The following FRMD5 variants were observed in gnomAD, a reference collection of about 807,000 sequenced individuals.
FRMD5 encodes the protein FERM domain containing 5, also known as FERM domain-containing protein 5.
Under a neutral mutation model 69.0 loss-of-function variants are expected in FRMD5, and 20 were observed. The ratio of observed to expected loss-of-function variants is 0.29; its 90% CI spans 0.20 to 0.42. The LOEUF is 0.42. FRMD5 is among the 10% of genes least tolerant of loss of function. The probability of loss-of-function intolerance (pLI) is 1.00; values close to 1 mark genes in which losing one functional copy is unlikely to be tolerated. For missense variants in FRMD5, 595 were observed against 708.6 expected (o/e 0.84, Z 1.82); for synonymous variants, 271 against 260.1 (o/e 1.04, Z -0.40).
intron 1 of FRMD5, among the ~76,000 whole-genome samples, chr15:43,946,081 C>G (rs2089942641): frequency 6.6e-6 from 1 of 151,956 alleles, no homozygotes; most frequent in Admixed American, 6.6e-5. Context: ...TCCCCAAAGT[C>G]TCACTTCCTC....
chr15:44,039,461 G>C (rs1892088575), intron 1 of FRMD5, among the ~76,000 whole-genome samples: 1 of 152,192 alleles, frequency 6.6e-6, no homozygotes, highest in East Asian at 1.9e-4. Flanking sequence ...CTGGGACAAA[G>C]CTTCCAGAGG....
chr15:43,975,282 G>A (rs1284254041), intron 1 of FRMD5, among the ~76,000 whole-genome samples: 1 of 152,118 alleles, frequency 6.6e-6, no homozygotes, highest in Non-Finnish European at 1.5e-5. Flanking sequence ...ATGTAAAGAG[G>A]TATTTGCCTC....
At chr15:43,896,263 G>C (rs1453330678) in intron 7 of FRMD5, among the ~76,000 whole-genome samples, 1 of 152,212 alleles carries the variant, frequency 6.6e-6, no homozygotes, top group African/African-American at 2.4e-5. Flanking sequence ...CTTGTGAAAA[G>C]AGCTTCTGTC....
intron 1 of FRMD5, among the ~76,000 whole-genome samples, chr15:43,999,968 A>C (rs1566889857): frequency 6.3e-4 from 8 of 12,682 alleles, no homozygotes; most frequent in Admixed American, 5.5e-3. Context: ...ATATATATAT[A>C]TATATATATA....
upstream of FRMD5, among the ~76,000 whole-genome samples, chr15:44,196,434 C>A (rs375947510): frequency 4.6e-5 from 7 of 151,632 alleles, no homozygotes; most frequent in African/African-American, 1.5e-4. Flanking sequence ...CATTGCACTC[C>A]AGCCTGGGGG....
intron 7 of FRMD5, among the ~76,000 whole-genome samples, chr15:43,898,039 T>A (rs1235827637): frequency 6.6e-6 from 1 of 152,244 alleles, no homozygotes; most frequent in Non-Finnish European, 1.5e-5. Flanking sequence ...CTTTTCTTTA[T>A]AAATTACTCA....
chr15:44,122,649 C>T (rs367572596), intron 1 of FRMD5, among the ~76,000 whole-genome samples: 1 of 152,124 alleles, frequency 6.6e-6, no homozygotes, highest in South Asian at 2.1e-4. Context: ...TTTTGGGATG[C>T]CGAGGGGCCC....
intron 1 of FRMD5, among the ~76,000 whole-genome samples, chr15:43,999,316 C>G (rs1249732710): frequency 6.6e-6 from 1 of 152,178 alleles, no homozygotes; most frequent in Non-Finnish European, 1.5e-5. Context: ...GATCTGCCTG[C>G]CTTGGCCTCC....
intron 1 of FRMD5, among the ~76,000 whole-genome samples, chr15:44,053,865 A>G (rs907267321): frequency 6.6e-6 from 1 of 152,230 alleles, no homozygotes; most frequent in African/African-American, 2.4e-5. Context: ...GTAAGCACAG[A>G]TAAGATAGTT....
intron 1 of FRMD5, among the ~76,000 whole-genome samples, chr15:44,143,019 G>C (rs1311679770): frequency 2.0e-5 from 3 of 152,094 alleles, no homozygotes. Context: ...GAACCTGTGA[G>C]GCAGAGAGGT....
intron 1 of FRMD5, among the ~76,000 whole-genome samples, chr15:44,149,944 C>CA (rs1421100135): frequency 9.9e-5 from 15 of 152,068 alleles, no homozygotes; most frequent in South Asian, 2.1e-4. Context: ...AGCAGCATAG[C>CA]AAAAGGATTA....
At chr15:44,068,926 A>G (rs1323276306) in intron 1 of FRMD5, among the ~76,000 whole-genome samples, 1 of 152,204 alleles carries the variant, frequency 6.6e-6, no homozygotes, top group East Asian at 1.9e-4. Flanking sequence ...CAAGGAATGA[A>G]TAGCACATTG....
intron 1 of FRMD5, among the ~76,000 whole-genome samples, chr15:44,149,354 T>G (rs2077407786): frequency 6.6e-6 from 1 of 151,516 alleles, no homozygotes; most frequent in South Asian, 2.1e-4. Flanking sequence ...AATACAGAAA[T>G]GAGAGATTTT....
intron 1 of FRMD5, among the ~76,000 whole-genome samples, chr15:44,177,229 T>C (rs957730566): frequency 6.6e-5 from 10 of 152,168 alleles, no homozygotes; most frequent in African/African-American, 2.2e-4. Context: ...ATGTTCATAA[T>C]GTATTCAAGA....
rs191383139 is a variant in FRMD5, at chr15:44,023,862, G to A, written c.103-99553C>T. ...CAAGGGCAGTACTTTGTGAATTTCT[G>A]AGAATCAGCATGATATCAAGAAAGA... On this transcript the variant is annotated intron_variant, in intron 1 of 13. Transcript: ENST00000417257. 6.2e-4 allele frequency among the ~76,000 whole-genome samples: 95 copies of A among 152,232 alleles called. 1 individual carries two copies. The East Asian group carries it at 0.016, about 25-fold the overall frequency.
At chr15:44,152,381 G>A (rs2077460502) in intron 1 of FRMD5, among the ~76,000 whole-genome samples, 1 of 152,146 alleles carries the variant, frequency 6.6e-6, no homozygotes, top group South Asian at 2.1e-4. Context: ...TTACTCCAAT[G>A]TGCAAATACA....
At chr15:44,012,647 T>C (rs1394864359) in intron 1 of FRMD5, among the ~76,000 whole-genome samples, 1 of 152,082 alleles carries the variant, frequency 6.6e-6, no homozygotes, top group African/African-American at 2.4e-5. Flanking sequence ...ACTAATGTTA[T>C]GCACCAATCT....
chr15:43,884,905 C>A, intron 11 of FRMD5, 110 bp from the exon 12 acceptor site: 1 of 871,706 alleles, frequency 1.1e-6, no homozygotes, highest in Admixed American at 2.0e-5. Flanking sequence ...GCATCTGTGG[C>A]CCACCCTTTC....
intron 1 of FRMD5, among the ~76,000 whole-genome samples, chr15:44,077,720 A>G (rs1222527373): frequency 1.3e-5 from 2 of 152,102 alleles, no homozygotes; most frequent in Non-Finnish European, 2.9e-5. Flanking sequence ...TAACTAAGCC[A>G]GAAAAGTTCC....
Sources: allele counts gnomAD v4.1 joint callset (sites outside exome capture counted in the v4.1 genomes callset), GRCh38; gene constraint gnomAD v4.1.1; transcripts MANE v1.5; gene names NCBI Gene and HGNC (gene_info 2026-07-23, HGNC 2026-07-21).